HS3ST4: variants seen among roughly 807,000 people sequenced by gnomAD.
HS3ST4 encodes the protein heparan sulfate-glucosamine 3-sulfotransferase 4.
HS3ST4 carries 17 observed loss-of-function variants against 29.2 expected under a neutral mutation model. That is an observed-to-expected ratio of 0.58 (90% CI 0.40 to 0.87). HS3ST4 has a LOEUF of 0.87. Ranked by LOEUF, HS3ST4 falls within the 40% of genes least tolerant of loss-of-function variation. HS3ST4 has a pLI of 0.00. For synonymous variants in HS3ST4, 314 were observed against 285.7 expected (o/e 1.10, Z -1.00); for missense variants, 627 against 634.5 (o/e 0.99, Z 0.13).
intron 1 of HS3ST4, among the ~76,000 whole-genome samples, chr16:25,718,465 A>G (rs1236674569): frequency 6.6e-6 from 1 of 151,674 alleles, no homozygotes; most frequent in African/African-American, 2.4e-5. Flanking sequence ...AGTAGTTGGC[A>G]ATAGGAGAGA....
intron 1 of HS3ST4, among the ~76,000 whole-genome samples, chr16:26,134,880 G>A (rs1202985966): frequency 6.6e-6 from 1 of 152,176 alleles, no homozygotes; most frequent in African/African-American, 2.4e-5. Flanking sequence ...CAGCTCTGCT[G>A]TTTTACTGTA....
chr16:26,096,260 C>G (rs2141793400), intron 1 of HS3ST4, among the ~76,000 whole-genome samples: 1 of 152,294 alleles, frequency 6.6e-6, no homozygotes, highest in South Asian at 2.1e-4. Context: ...CAACATCATC[C>G]TGATACCAAA....
chr16:25,862,577 G>A (rs909366051), intron 1 of HS3ST4, among the ~76,000 whole-genome samples: 7 of 152,208 alleles, frequency 4.6e-5, no homozygotes, highest in African/African-American at 1.7e-4. Context: ...ACTTCCTGCT[G>A]TGTGGCGAGG....
At chr16:26,000,838 C>A (rs1969205689) in intron 1 of HS3ST4, among the ~76,000 whole-genome samples, 1 of 152,142 alleles carries the variant, frequency 6.6e-6, no homozygotes. Context: ...GGTATTCCTT[C>A]CACTGGGTAA....
chr16:25,989,439 G>A (rs566661488), intron 1 of HS3ST4, among the ~76,000 whole-genome samples: 1 of 152,190 alleles, frequency 6.6e-6, no homozygotes, highest in Non-Finnish European at 1.5e-5. Context: ...GGCAAACAGA[G>A]GTAAAGCAAA....
At chr16:25,735,798 T>C (rs775429267) in intron 1 of HS3ST4, among the ~76,000 whole-genome samples, 7 of 152,166 alleles carry the variant, frequency 4.6e-5, no homozygotes, top group Non-Finnish European at 1.0e-4. Context: ...CCAGATTCAG[T>C]TACATACTCA....
intron 1 of HS3ST4, among the ~76,000 whole-genome samples, chr16:25,889,142 G>A (rs1365396932): frequency 6.6e-6 from 1 of 152,136 alleles, no homozygotes; most frequent in African/African-American, 2.4e-5. Context: ...AGGAGAAGTC[G>A]AATGTGAAAT....
intron 1 of HS3ST4, among the ~76,000 whole-genome samples, chr16:26,074,863 C>T (rs1299542149): frequency 6.6e-6 from 1 of 152,112 alleles, no homozygotes; most frequent in African/African-American, 2.4e-5. Context: ...TGGGGGGTGC[C>T]TGTCCCTGTT....
intron 1 of HS3ST4, among the ~76,000 whole-genome samples, chr16:25,915,915 T>G (rs1968289053): frequency 6.6e-6 from 1 of 152,224 alleles, no homozygotes; most frequent in Non-Finnish European, 1.5e-5. Flanking sequence ...GTTGGAGGAT[T>G]AAGTGAAATA....
chr16:26,099,901 AT>A (rs140590957), intron 1 of HS3ST4, among the ~76,000 whole-genome samples: 2,576 of 152,226 alleles, frequency 0.017, 35 homozygotes, highest in Non-Finnish European at 0.025. Context: ...TAGATTAAGG[AT>A]TTTAGAGGTT....
intron 1 of HS3ST4, among the ~76,000 whole-genome samples, chr16:26,081,826 A>C (rs1036992668): frequency 7.6e-5 from 8 of 104,818 alleles, no homozygotes; most frequent in Admixed American, 6.1e-4. Context: ...ATGAAGTTTC[A>C]CTCTTGTTGC....
intron 1 of HS3ST4, among the ~76,000 whole-genome samples, chr16:25,764,040 A>G (rs886962699): frequency 2.6e-5 from 4 of 152,224 alleles, no homozygotes; most frequent in Non-Finnish European, 2.9e-5. Flanking sequence ...AACGGAGCTG[A>G]TGAAGGAGAA....
chr16:25,840,500 C>T (rs965551337), intron 1 of HS3ST4, among the ~76,000 whole-genome samples: 2 of 152,270 alleles, frequency 1.3e-5, no homozygotes, highest in East Asian at 1.9e-4. Context: ...TTGGTCATCA[C>T]GTAGCTTCCA....
At chr16:25,711,739 C>G (rs1966417193) in intron 1 of HS3ST4, among the ~76,000 whole-genome samples, 1 of 152,126 alleles carries the variant, frequency 6.6e-6, no homozygotes, top group Non-Finnish European at 1.5e-5. Flanking sequence ...GTGCAAAGTA[C>G]CTGGTCTGGA....
intron 1 of HS3ST4, among the ~76,000 whole-genome samples, chr16:25,857,272 A>G (rs1967582392): frequency 6.6e-6 from 1 of 152,150 alleles, no homozygotes; most frequent in Admixed American, 6.6e-5. Context: ...CTCTGGATTC[A>G]TCAACTGTCT....
At chr16:25,849,835 A>C (rs1396054096) in intron 1 of HS3ST4, among the ~76,000 whole-genome samples, 1 of 151,836 alleles carries the variant, frequency 6.6e-6, no homozygotes, top group Non-Finnish European at 1.5e-5. Flanking sequence ...CACATGTTTT[A>C]TTAATAAAAT....
intron 1 of HS3ST4, among the ~76,000 whole-genome samples, chr16:26,093,576 A>G (rs1012106321): frequency 5.3e-5 from 8 of 152,278 alleles, no homozygotes; most frequent in Admixed American, 5.2e-4. Context: ...ACATCAACAA[A>G]AAGGACATCA....
At chr16:25,952,707 A>G (rs1487477250) in intron 1 of HS3ST4, among the ~76,000 whole-genome samples, 1 of 152,200 alleles carries the variant, frequency 6.6e-6, no homozygotes, top group Non-Finnish European at 1.5e-5. Flanking sequence ...TGTGTGAGCA[A>G]GGGTGAGTTA....
intron 1 of HS3ST4, among the ~76,000 whole-genome samples, chr16:26,086,907 A>G (rs1898796258): frequency 6.6e-6 from 1 of 152,212 alleles, no homozygotes; most frequent in Non-Finnish European, 1.5e-5. Flanking sequence ...ATCTGCATTT[A>G]TGAGCCCAGA....
Sources: allele counts gnomAD v4.1 joint callset (sites outside exome capture counted in the v4.1 genomes callset), GRCh38; gene constraint gnomAD v4.1.1; transcripts MANE v1.5; gene names NCBI Gene and HGNC (gene_info 2026-07-23, HGNC 2026-07-21).